SGCZ: variants seen among roughly 807,000 people sequenced by gnomAD.
The protein encoded by SGCZ is zeta-sarcoglycan.
SGCZ carries 40 observed loss-of-function variants against 41.3 expected under a neutral mutation model. That is an observed-to-expected ratio of 0.97 (90% CI 0.75 to 1.26). The LOEUF is 1.26. SGCZ is among the 50% of genes most tolerant of loss of function. SGCZ has a pLI of 0.00. For missense variants in SGCZ, 552 were observed against 369.8 expected (o/e 1.49, Z -4.04); for synonymous variants, 206 against 137.5 (o/e 1.50, Z -3.49).
At chr8:14,422,078 C>T (rs1169399962) in intron 2 of SGCZ, among the ~76,000 whole-genome samples, 1 of 152,004 alleles carries the variant, frequency 6.6e-6, no homozygotes, top group Non-Finnish European at 1.5e-5. Flanking sequence ...TAAACAAATG[C>T]AAAGTCTTAA....
chr8:14,919,962 A>T (rs1028120637), intron 1 of SGCZ, among the ~76,000 whole-genome samples: 4 of 152,088 alleles, frequency 2.6e-5, no homozygotes, highest in Admixed American at 2.6e-4. Context: ...ATTAGCAATA[A>T]TTACTGCGAT....
chr8:14,096,458 C>G (rs1801847823), intron 7 of SGCZ, among the ~76,000 whole-genome samples: 1 of 152,160 alleles, frequency 6.6e-6, no homozygotes, highest in Admixed American at 6.6e-5. Flanking sequence ...ATGAAGCCAA[C>G]TTGATCGTGG....
At chr8:14,207,657 A>G (rs1465621697) in intron 4 of SGCZ, among the ~76,000 whole-genome samples, 3 of 152,144 alleles carry the variant, frequency 2.0e-5, no homozygotes, top group African/African-American at 7.2e-5. Context: ...CTATTGTTAA[A>G]TGAAAACTAG....
At chr8:14,149,772 G>A (rs980868694) in intron 5 of SGCZ, among the ~76,000 whole-genome samples, 10 of 151,798 alleles carry the variant, frequency 6.6e-5, no homozygotes, top group Admixed American at 6.6e-4. Flanking sequence ...CCTGACTTCA[G>A]ATTATACTGT....
intron 1 of SGCZ, among the ~76,000 whole-genome samples, chr8:15,000,080 C>T (rs13256266): frequency 0.73 from 111,519 of 151,888 alleles, 41,721 homozygotes; most frequent in African/African-American, 0.89. Context: ...CTGACTGGTG[C>T]CTTATAGTGA....
chr8:14,847,168 GAAGAAGAAGAAGAAGAA>G (rs1227816547), intron 1 of SGCZ, among the ~76,000 whole-genome samples: 75 of 143,224 alleles, frequency 5.2e-4, no homozygotes, highest in African/African-American at 1.9e-3. Flanking sequence ...AGAAGAAGAA[GAAGAAGAAGAAGAAGAA>G]GAGAAAAATA....
intron 2 of SGCZ, among the ~76,000 whole-genome samples, chr8:14,466,248 T>C (rs1472108805): frequency 1.3e-5 from 2 of 151,984 alleles, no homozygotes; most frequent in Admixed American, 1.3e-4. Flanking sequence ...TAAAGGATTC[T>C]TGGTTGCCAG....
At chr8:15,215,252 C>T (rs1003653209) in intron 1 of SGCZ, among the ~76,000 whole-genome samples, 1 of 151,896 alleles carries the variant, frequency 6.6e-6, no homozygotes, top group African/African-American at 2.4e-5. Flanking sequence ...GAATATTTCA[C>T]TTTATGAATA....
intron 3 of SGCZ, among the ~76,000 whole-genome samples, chr8:14,274,591 T>C: frequency 6.6e-6 from 1 of 152,166 alleles, no homozygotes; most frequent in East Asian, 1.9e-4. Context: ...TGTTATTGTA[T>C]ATAACAATCT....
At chr8:14,464,297 A>C (rs1800985624) in intron 2 of SGCZ, among the ~76,000 whole-genome samples, 1 of 151,438 alleles carries the variant, frequency 6.6e-6, no homozygotes, top group Admixed American at 6.6e-5. Context: ...CAATCTTCTT[A>C]TCAGTTATAG....
rs1424099948 is a variant in SGCZ, at chr8:14,138,793, G to T, written c.547+25787C>A. Among the ~76,000 whole-genome samples, 6 of 152,146 alleles carry T rather than the reference G, an allele frequency of 3.9e-5. No individual in the cohort carries two copies. In the South Asian group the frequency reaches 1.0e-3, roughly 26 times the overall value. Reference sequence around the variant, plus strand: ...ATTAGACAGATCAATGAGACAGAAAGTTAACAAGGATATCCCGGACTTGAA... The same window carrying T: ...ATTAGACAGATCAATGAGACAGAAATTTAACAAGGATATCCCGGACTTGAA... On this transcript the variant is annotated intron_variant, in intron 5 of 7. Coordinates refer to ENST00000382080, the MANE Select transcript of SGCZ (RefSeq NM_139167.4).
chr8:15,103,409 T>TAAATAAATAAAA (rs1408189730), intron 1 of SGCZ, among the ~76,000 whole-genome samples: 2 of 149,606 alleles, frequency 1.3e-5, no homozygotes, highest in Non-Finnish European at 3.0e-5. Flanking sequence ...TCTAAATAAA[T>TAAATAAATAAAA]AAATAAATAA....
chr8:14,238,580 G>A (rs183931250), intron 3 of SGCZ, among the ~76,000 whole-genome samples: 1 of 152,202 alleles, frequency 6.6e-6, no homozygotes, highest in Non-Finnish European at 1.5e-5. Flanking sequence ...TGCCTTAACA[G>A]CTCACATATT....
At chr8:14,511,237 C>T (rs1464623510) in intron 2 of SGCZ, among the ~76,000 whole-genome samples, 1 of 151,398 alleles carries the variant, frequency 6.6e-6, no homozygotes, top group Non-Finnish European at 1.5e-5. Flanking sequence ...GTAGGGAAAG[C>T]CTGTGATATA....
chr8:14,749,485 T>A (rs1313412457), intron 1 of SGCZ, among the ~76,000 whole-genome samples: 1 of 152,182 alleles, frequency 6.6e-6, no homozygotes, highest in Non-Finnish European at 1.5e-5. Context: ...AAATCTAGGA[T>A]TCCTGTTAGC....
chr8:14,780,104 T>C (rs150278772), intron 1 of SGCZ, among the ~76,000 whole-genome samples: 185 of 152,170 alleles, frequency 1.2e-3, no homozygotes, highest in African/African-American at 3.8e-3. Context: ...CCGGGCGCAG[T>C]GGCTCACGCC....
intron 4 of SGCZ, among the ~76,000 whole-genome samples, chr8:14,186,146 T>C (rs975730402): frequency 2.0e-5 from 3 of 152,228 alleles, no homozygotes; most frequent in African/African-American, 7.2e-5. Flanking sequence ...AGGTTCCTTT[T>C]CTGTAATGAC....
At chr8:14,163,460 C>T (rs369636459) in intron 5 of SGCZ, among the ~76,000 whole-genome samples, 7 of 152,050 alleles carry the variant, frequency 4.6e-5, no homozygotes, top group African/African-American at 1.7e-4. Flanking sequence ...ATACACCTTT[C>T]TTGAAATCAA....
At chr8:14,752,704 C>T (rs547044649) in intron 1 of SGCZ, among the ~76,000 whole-genome samples, 1 of 151,992 alleles carries the variant, frequency 6.6e-6, no homozygotes, top group Non-Finnish European at 1.5e-5. Context: ...AGAATGAATT[C>T]TAGAAATTGT....
Sources: gnomAD v4.1 joint callset for allele counts (sites outside exome capture counted in the v4.1 genomes callset) on GRCh38, gnomAD v4.1.1 for gene constraint, MANE v1.5 for transcripts, NCBI Gene and HGNC (gene_info 2026-07-23, HGNC 2026-07-21) for gene names.